The following PLOD1 variants were observed in gnomAD, a reference collection of about 807,000 sequenced individuals.
PLOD1 encodes the protein lysine hydroxylase.
In PLOD1, 70 loss-of-function variants were observed where a neutral mutation model predicts 94.7. The observed-to-expected ratio is 0.74, with a 90% CI of 0.61 to 0.90. The LOEUF (loss-of-function observed/expected upper bound fraction) is 0.90. Ranked by LOEUF, PLOD1 falls within the 40% of genes least tolerant of loss-of-function variation. The pLI is 0.00. For missense variants in PLOD1, 905 were observed against 972.7 expected (o/e 0.93, Z 0.93); for synonymous variants, 417 against 400.2 (o/e 1.04, Z -0.50).
In PLOD1 at chr1:11,963,708, TTCC is replaced by T. The variant is rs992966356; in HGVS notation, c.1202+87_1202+89del. The T allele has an allele frequency of 4.5e-4, 387 of 868,984 alleles. No individual in the cohort carries two copies. Among genetic ancestry groups the T allele is most frequent in the Non-Finnish European group, 5.3e-4 (280 of 526,760 alleles). The allele number at this position is 868,984 out of a possible 1,614,324, so 53.8% of individuals were successfully genotyped here. On this transcript the variant is annotated intron_variant, in intron 11 of 18. Transcript: ENST00000196061. The surrounding 1 kb of genome is among the most constrained non-coding windows in gnomAD (Gnocchi z 4.3). ...TCCTGGGGTGGCAGCCCTCCTTGCCTTCCTCCTCCTCCTCCTCATCCACCTCCT... is the reference window on the plus strand; with the variant it reads ...TCCTGGGGTGGCAGCCCTCCTTGCCTTCCTCCTCCTCCTCATCCACCTCCT...
At chr1:11,960,112 C>T (rs1645767632) in intron 9 of PLOD1, among the ~76,000 whole-genome samples, 1 of 152,020 alleles carries the variant, frequency 6.6e-6, no homozygotes, top group Admixed American at 6.6e-5. Context: ...CCTGGAATTA[C>T]AAGTGCCTGC....
chr1:11,934,904 C>G, intron 1 of PLOD1, 49 bp downstream of exon 1: 1 of 1,523,784 alleles, frequency 6.6e-7, no homozygotes, highest in Non-Finnish European at 8.8e-7. Flanking sequence ...GGCGGGAGGG[C>G]TGGTGTCGGG....
In PLOD1 at chr1:11,963,924, C is replaced by T. The variant is rs1645797191; in HGVS notation, c.1203-251C>T. ...CCTATTACCCAGAGCTGTGGATCCCCAGCCTGATACCCCAGGTTCTGATAG... is the reference window on the plus strand; with the variant it reads ...CCTATTACCCAGAGCTGTGGATCCCTAGCCTGATACCCCAGGTTCTGATAG... On this transcript the variant is annotated intron_variant, in intron 11 of 18. Coordinates refer to ENST00000196061, the MANE Select transcript of PLOD1 (RefSeq NM_000302.4). This position sits in a 1 kb window ranked among gnomAD's most constrained non-coding sequence, Gnocchi z 4.3. Among the ~76,000 whole-genome samples, 1 of 152,090 alleles carries T rather than the reference C, an allele frequency of 6.6e-6. No individual in the cohort carries two copies. The highest frequency in any genetic ancestry group is 2.1e-4 in the South Asian group (1 of 4,824).
chr1:11,937,528 C>A (rs529911953), intron 1 of PLOD1, among the ~76,000 whole-genome samples: 6 of 152,350 alleles, frequency 3.9e-5, no homozygotes, highest in African/African-American at 1.4e-4. Context: ...GCCTAGTTTT[C>A]TGGGCCTTTG....
chr1:11,966,539 C>A (rs1470809313), intron 15 of PLOD1: 2 of 534,142 alleles, frequency 3.7e-6, no homozygotes, highest in Non-Finnish European at 6.9e-6. Flanking sequence ...TGGGGGGAGG[C>A]AGGATGGCCC....
chr1:11,945,230 A>AT (rs1217043152), intron 1 of PLOD1, among the ~76,000 whole-genome samples: 3 of 152,162 alleles, frequency 2.0e-5, no homozygotes, highest in Admixed American at 2.0e-4. Flanking sequence ...GACCAGCCTG[A>AT]GTAACATGGT....
At chr1:11,941,386 C>T (rs1269039002) in intron 1 of PLOD1, among the ~76,000 whole-genome samples, 1 of 151,918 alleles carries the variant, frequency 6.6e-6, no homozygotes, top group Non-Finnish European at 1.5e-5. Flanking sequence ...GGCTGGGGTG[C>T]AGTGGCACAA....
Position 11,960,864 on chromosome 1 carries a change from G to A in PLOD1, c.1097+97G>A, listed in dbSNP as rs2100754445. ...AGGCTGAGTGACAGGAGTTCAGAAGGCTGTGTGTGCTCTAGCAAGTTCCTG... is the reference window on the plus strand; with the variant it reads ...AGGCTGAGTGACAGGAGTTCAGAAGACTGTGTGTGCTCTAGCAAGTTCCTG... On this transcript the variant is annotated intron_variant, in intron 10 of 18. Coordinates refer to ENST00000196061, the MANE Select transcript of PLOD1 (RefSeq NM_000302.4). The A allele has an allele frequency of 1.9e-6, 3 of 1,559,084 alleles. No homozygotes were observed. In the East Asian group the frequency reaches 6.8e-5, roughly 35 times the overall value.
At chr1:11,941,396 A>G (rs982380719) in intron 1 of PLOD1, among the ~76,000 whole-genome samples, 10 of 151,942 alleles carry the variant, frequency 6.6e-5, no homozygotes, top group South Asian at 2.1e-4. Flanking sequence ...CAGTGGCACA[A>G]TCTTGGCTCA....
chr1:11,964,872 G>T, intron 13 of PLOD1, 87 bp downstream of exon 13: 1 of 1,407,562 alleles, frequency 7.1e-7, no homozygotes, highest in Non-Finnish European at 1.0e-6. Context: ...ATGGTGGGCC[G>T]CCTTGTCACC....
intron 10 of PLOD1, among the ~76,000 whole-genome samples, chr1:11,961,995 T>TC (rs910480740): frequency 2.0e-5 from 3 of 152,112 alleles, no homozygotes; most frequent in African/African-American, 7.2e-5. Context: ...CACCATGTTT[T>TC]CCAGGCCTGT....
Position 11,974,884 on chromosome 1 carries a change from TC to T in PLOD1, c.*79del. 6.8e-7 allele frequency: 1 copy of T among 1,469,672 alleles called. No individual in the cohort carries two copies. The highest frequency in any genetic ancestry group is 9.5e-7 in the Non-Finnish European group (1 of 1,048,588). The allele number at this position is 1,469,672 out of a possible 1,614,324, so 91.0% of individuals were successfully genotyped here. ...CCCAGCAGCCTCTGGGACCTCGGGG[TC>T]CCAGGGAACCCAGTCCAGCCTCCTG... On this transcript the variant is annotated 3_prime_UTR_variant, in exon 19 of 19. Coordinates refer to ENST00000196061, the MANE Select transcript of PLOD1 (RefSeq NM_000302.4).
chr1:11,965,496 T>G lies in PLOD1; in HGVS notation c.1487T>G (p.Leu496Arg). The change falls in exon 14 of 19, where the codon CTG becomes CGG. Residue 496 changes from leucine to arginine, a missense_variant. Physicochemically the swap from Leu to Arg is moderately radical, Grantham distance 102 (BLOSUM62 -2). Transcript: ENST00000196061. ...NIRQQDVFMF[L>R]TNRHTLGHLL... Reference sequence around the variant, plus strand: ...CCTCCCCAGGATGTGTTCATGTTCCTGACCAACCGGCACACCCTTGGCCAT... The same window carrying G: ...CCTCCCCAGGATGTGTTCATGTTCCGGACCAACCGGCACACCCTTGGCCAT... 6.2e-7 allele frequency: 1 copy of G among 1,612,778 alleles called. No homozygotes were observed.
intron 16 of PLOD1, among the ~76,000 whole-genome samples, chr1:11,969,339 C>T (rs755155813): frequency 1.8e-4 from 28 of 152,112 alleles, no homozygotes; most frequent in Non-Finnish European, 2.5e-4. Flanking sequence ...TTTAAGGCAC[C>T]GTTTTTAAAG....
At position 11,959,035 on chromosome 1, in the gene PLOD1, C is replaced by T. The variant is rs144018463; in HGVS notation, c.975+388C>T. 3.7e-3 allele frequency among the ~76,000 whole-genome samples: 558 copies of T among 151,994 alleles called. 4 individuals are homozygous for T. Among genetic ancestry groups the T allele is most frequent in the African/African-American group, 0.013 (533 of 41,454 alleles). ...GCCTGACCAACATGGTGAAACCCTG[C>T]CTCTACTAAAAATACAAAATTAAGC... On this transcript the variant is annotated intron_variant, in intron 9 of 18. Coordinates refer to ENST00000196061, the MANE Select transcript of PLOD1 (RefSeq NM_000302.4).
chr1:11,952,519 G>A, intron 4 of PLOD1, 104 bp from the exon 5 acceptor site: 1 of 814,642 alleles, frequency 1.2e-6, no homozygotes. Flanking sequence ...GGGTTTGTGG[G>A]CATATGAGTG....
At chr1:11,956,029 T>C (rs990275733) in intron 6 of PLOD1, among the ~76,000 whole-genome samples, 1 of 151,838 alleles carries the variant, frequency 6.6e-6, no homozygotes, top group African/African-American at 2.4e-5. Flanking sequence ...CCCAAAGTGC[T>C]GGGATTACAG....
chr1:11,944,169 G>A (rs1645633483), intron 1 of PLOD1, among the ~76,000 whole-genome samples: 1 of 151,914 alleles, frequency 6.6e-6, no homozygotes, highest in Non-Finnish European at 1.5e-5. Flanking sequence ...GGAGATAGAG[G>A]TTGTAGTGAG....
chr1:11,939,827 C>T (rs971062716), intron 1 of PLOD1, among the ~76,000 whole-genome samples: 11 of 152,248 alleles, frequency 7.2e-5, no homozygotes, highest in East Asian at 1.9e-4. Flanking sequence ...AGGCTGGTCT[C>T]GAGCTCCTGA....
Sources: gnomAD v4.1 joint callset for allele counts (sites outside exome capture counted in the v4.1 genomes callset) on GRCh38, gnomAD v4.1.1 for gene constraint, Gnocchi (gnomAD v3.1) non-coding constraint, MANE v1.5 for transcripts, NCBI Gene and HGNC (gene_info 2026-07-23, HGNC 2026-07-21) for gene names.